The following GLMN variants were observed in gnomAD, a reference collection of about 807,000 sequenced individuals.
GLMN encodes the protein glomulin.
Under a neutral mutation model 87.8 loss-of-function variants are expected in GLMN, and 75 were observed. That is an observed-to-expected ratio of 0.85 (90% CI 0.71 to 1.04). The LOEUF (loss-of-function observed/expected upper bound fraction) is 1.04, where lower values mean the gene tolerates loss of function less well. GLMN is among the 50% of genes least tolerant of loss of function. The pLI, the probability that GLMN is intolerant of heterozygous loss-of-function variation, is 0.00. For missense variants in GLMN, 588 were observed against 658.8 expected (o/e 0.89, Z 1.18); for synonymous variants, 206 against 221.6 (o/e 0.93, Z 0.63).
rs1400542805 is a variant in GLMN at position 92,247,902 on chromosome 1, C to T, written c.1561G>A (p.Glu521Lys). The change falls in exon 17 of 19, where the codon GAA becomes AAA. Residue 521 changes from glutamate to lysine, a missense_variant. Transcript: ENST00000370360. Reference sequence around the variant, plus strand: ...CCTTGGCTATTTTTAATTTCTGCTTCATAATGTGCTTTTGACATATTAAGT... The same window carrying T: ...CCTTGGCTATTTTTAATTTCTGCTTTATAATGTGCTTTTGACATATTAAGT... The part of the protein sequence containing the change: ...IGLNMSKAHY[E>K]AEIKNSQEAQ... The T allele has an allele frequency of 3.0e-6, 4 of 1,334,802 alleles. No homozygotes were observed. Among genetic ancestry groups the T allele is most frequent in the Non-Finnish European group, 4.3e-6 (4 of 926,800 alleles). The allele number at this position is 1,334,802 out of a possible 1,614,324, so 82.7% of individuals were successfully genotyped here. A position where few individuals can be genotyped will look rare whatever the true frequency, so the allele number is the denominator to read the frequency against.
At chr1:92,279,905 G>T (rs942194441) in intron 7 of GLMN, among the ~76,000 whole-genome samples, 2 of 152,258 alleles carry the variant, frequency 1.3e-5, no homozygotes, top group African/African-American at 4.8e-5. Flanking sequence ...ACGGGAAGGG[G>T]TGTCCGCCAT....
At chr1:92,259,732 C>CTTTTTTTTTTTTTTTTTTTTTTTTTTTTT (rs58390058) in intron 16 of GLMN, among the ~76,000 whole-genome samples, 1 of 108,192 alleles carries the variant, frequency 9.2e-6, no homozygotes. Flanking sequence ...TTTTTTCTTT[C>CTTTTTTTTTTTTTTTTTTTTTTTTTTTTT]TTTTTTTTTT....
the GLMN span, among the ~76,000 whole-genome samples, chr1:92,335,184 A>T: frequency 6.6e-6 from 1 of 151,344 alleles, no homozygotes; most frequent in African/African-American, 2.4e-5. Context: ...TTTTCTCCAC[A>T]TTTCTCACCA....
At chr1:92,317,305 G>A in the GLMN span, among the ~76,000 whole-genome samples, 9 of 151,960 alleles carry the variant, frequency 5.9e-5, no homozygotes, top group Admixed American at 3.9e-4. Context: ...TCAGGAATTC[G>A]AGACCAGCCT....
intron 8 of GLMN, among the ~76,000 whole-genome samples, chr1:92,271,185 C>G (rs1656198467): frequency 6.6e-6 from 1 of 152,106 alleles, no homozygotes. Context: ...CTGGCTAGTT[C>G]CAGGGTGGTC....
At chr1:92,252,377 G>C (rs1653627835) in intron 16 of GLMN, among the ~76,000 whole-genome samples, 1 of 152,088 alleles carries the variant, frequency 6.6e-6, no homozygotes, top group Non-Finnish European at 1.5e-5. Flanking sequence ...CTGGGCTATA[G>C]AGTGAGACCC....
At chr1:92,260,296 A>C (rs899647009) in intron 16 of GLMN, among the ~76,000 whole-genome samples, 7 of 152,130 alleles carry the variant, frequency 4.6e-5, no homozygotes, top group Admixed American at 2.0e-4. Context: ...GATCCCTTAG[A>C]AAAATTATTA....
chr1:92,361,243 G>A, the GLMN span, among the ~76,000 whole-genome samples: 1 of 152,012 alleles, frequency 6.6e-6, no homozygotes, highest in African/African-American at 2.4e-5. Context: ...AACCAGGAAA[G>A]ATACCTATAG....
At chr1:92,299,130 C>T, upstream of GLMN, 1 of 1,519,910 alleles carries the variant, frequency 6.6e-7, no homozygotes, top group East Asian at 2.6e-5. Context: ...CTCCCCGCTG[C>T]TCTCGAAAAG....
intron 3 of GLMN, among the ~76,000 whole-genome samples, chr1:92,293,707 A>C (rs1176078485): frequency 6.6e-6 from 1 of 152,198 alleles, no homozygotes; most frequent in African/African-American, 2.4e-5. Flanking sequence ...GAAGCAACCT[A>C]AGTGTCCATC....
the GLMN span, among the ~76,000 whole-genome samples, chr1:92,356,694 C>T: frequency 9.3e-5 from 14 of 151,348 alleles, no homozygotes; most frequent in African/African-American, 3.2e-4. Context: ...CTCAGCCTTC[C>T]GAAGTGCTGG....
At chr1:92,331,441 T>G in the GLMN span, among the ~76,000 whole-genome samples, 1 of 152,202 alleles carries the variant, frequency 6.6e-6, no homozygotes, top group Non-Finnish European at 1.5e-5. Flanking sequence ...TCTTTTGCAT[T>G]GAATCATTAT....
chr1:92,328,206 G>C, the GLMN span, among the ~76,000 whole-genome samples: 1 of 150,448 alleles, frequency 6.6e-6, no homozygotes, highest in Non-Finnish European at 1.5e-5. Context: ...TAGGTCTCTA[G>C]CAAGGCTGGA....
At chr1:92,284,426 A>G (rs1648476782) in intron 7 of GLMN, among the ~76,000 whole-genome samples, 1 of 152,252 alleles carries the variant, frequency 6.6e-6, no homozygotes, top group Non-Finnish European at 1.5e-5. Context: ...ATATGTAGAA[A>G]GCTGAAACTG....
At chr1:92,249,783 A>G (rs190330389) in intron 16 of GLMN, among the ~76,000 whole-genome samples, 1 of 152,108 alleles carries the variant, frequency 6.6e-6, no homozygotes, top group Admixed American at 6.5e-5. Context: ...TCCTCCTCCC[A>G]TGCTCACACT....
At chr1:92,294,996 ATT>A (rs1649861885) in intron 3 of GLMN, among the ~76,000 whole-genome samples, 1 of 152,222 alleles carries the variant, frequency 6.6e-6, no homozygotes, top group Admixed American at 6.5e-5. Flanking sequence ...AGTTTTGAAC[ATT>A]GTCTTATCAA....
At chr1:92,261,259 C>T (rs1655009785) in intron 16 of GLMN, among the ~76,000 whole-genome samples, 1 of 152,204 alleles carries the variant, frequency 6.6e-6, no homozygotes. Context: ...GATGTTTGCC[C>T]TTGTGCAAGT....
chr1:92,316,105 TAAATC>T, the GLMN span, among the ~76,000 whole-genome samples: 1 of 152,216 alleles, frequency 6.6e-6, no homozygotes. Flanking sequence ...TCTAAAATCT[TAAATC>T]TAAGAAGGAC....
At chr1:92,303,774 C>CT (rs1003212005), upstream of GLMN, among the ~76,000 whole-genome samples, 4 of 151,306 alleles carry the variant, frequency 2.6e-5, no homozygotes, top group African/African-American at 4.9e-5. Flanking sequence ...TTAATAATAA[C>CT]TTTTTTTTTG....
Sources: gnomAD v4.1 joint callset for allele counts (sites outside exome capture counted in the v4.1 genomes callset) on GRCh38, gnomAD v4.1.1 for gene constraint, MANE v1.5 for transcripts, NCBI Gene and HGNC (gene_info 2026-07-23, HGNC 2026-07-21) for gene names.